The following LAMP3 variants were observed in gnomAD, a reference collection of about 807,000 sequenced individuals.
The protein encoded by LAMP3 is lysosome associated membrane protein 3.
Under a neutral mutation model 34.8 loss-of-function variants are expected in LAMP3, and 26 were observed. The observed-to-expected ratio is 0.75, with a 90% CI of 0.55 to 1.04. LAMP3 has a LOEUF of 1.04. Among genes scored for constraint, LAMP3 ranks in the 50% least tolerant of loss-of-function variants. LAMP3 has a pLI of 0.00. For synonymous variants in LAMP3, 180 were observed against 201.9 expected (o/e 0.89, Z 0.92); for missense variants, 495 against 524.0 (o/e 0.94, Z 0.54).
chr3:183,162,546 G>A, intron 1 of LAMP3, 61 bp downstream of exon 1: 4 of 1,505,152 alleles, frequency 2.7e-6, no homozygotes, highest in Admixed American at 2.0e-5. Flanking sequence ...TCCAGAGTGC[G>A]TTTAGATGAA....
intron 1 of LAMP3, among the ~76,000 whole-genome samples, chr3:183,157,858 C>G (rs1487705719): frequency 6.6e-6 from 1 of 152,104 alleles, no homozygotes; most frequent in East Asian, 1.9e-4. Flanking sequence ...TGAACGGCAT[C>G]CTAAACAAGC....
At position 183,135,749 on chromosome 3, in the gene LAMP3, G is replaced by T. The variant is rs1203902094; in HGVS notation, c.1085C>A (p.Ala362Asp). 3.7e-6 allele frequency: 6 copies of T among 1,614,158 alleles called. No individual in the cohort carries two copies. Among genetic ancestry groups the T allele is most frequent in the Non-Finnish European group, 5.1e-6 (6 of 1,180,014 alleles). Residue 362 changes from alanine (A) to aspartate (D), a missense_variant, in exon 5 of 6, where the codon GCC (alanine) becomes GAC (aspartate). Ala to Asp is a moderately radical substitution (Grantham distance 126). Transcript: ENST00000265598. ...AAAGTGGTCATCTTCAAAATCAAAG[G>T]CTTGAAGTTGGACATCGGTTGTTTT... Reference protein sequence around the residue: ...QVKTTDVQLQAFDFEDDHFGN... With the variant: ...QVKTTDVQLQDFDFEDDHFGN...
chr3:183,143,780 T>C (rs975257271), intron 3 of LAMP3, among the ~76,000 whole-genome samples: 1 of 152,244 alleles, frequency 6.6e-6, no homozygotes, highest in Non-Finnish European at 1.5e-5. Context: ...CTTTATTCTG[T>C]AGAATTGTAG....
At chr3:183,135,617 G>A (rs1720058972) in intron 5 of LAMP3, 100 bp downstream of exon 5, 1 of 1,126,852 alleles carries the variant, frequency 8.9e-7, no homozygotes, top group Non-Finnish European at 1.3e-6. Flanking sequence ...GGAAGCTCAT[G>A]AGATGCTTGC....
chr3:183,148,515 TA>T (rs1023424811), intron 3 of LAMP3, among the ~76,000 whole-genome samples: 1 of 152,048 alleles, frequency 6.6e-6, no homozygotes, highest in Non-Finnish European at 1.5e-5. Flanking sequence ...ATAATTTGAT[TA>T]AAAAAATTAA....
At chr3:183,134,265 A>G (rs191619022) in intron 5 of LAMP3, among the ~76,000 whole-genome samples, 4 of 152,298 alleles carry the variant, frequency 2.6e-5, no homozygotes, top group Non-Finnish European at 5.9e-5. Flanking sequence ...AGAGGAGTTA[A>G]GGAGAACTCT....
At chr3:183,137,051 T>G (rs1017726698) in intron 4 of LAMP3, among the ~76,000 whole-genome samples, 4 of 151,416 alleles carry the variant, frequency 2.6e-5, no homozygotes, top group Admixed American at 2.6e-4. Context: ...TGGTTGGTGG[T>G]TCATGCCTGT....
intron 5 of LAMP3, among the ~76,000 whole-genome samples, chr3:183,129,872 G>C (rs987946388): frequency 6.6e-6 from 1 of 152,156 alleles, no homozygotes; most frequent in Non-Finnish European, 1.5e-5. Context: ...CAAGAAGTCA[G>C]TAAGTTAAAA....
intron 5 of LAMP3, 83 bp from the exon 6 acceptor site, chr3:183,124,297 G>A (rs1719733519): frequency 8.0e-7 from 1 of 1,245,154 alleles, no homozygotes; most frequent in African/African-American, 1.6e-5. Context: ...AAGAAGATGA[G>A]CTTTGGCATC....
At chr3:183,157,229 G>A (rs1288906460) in intron 1 of LAMP3, among the ~76,000 whole-genome samples, 1 of 152,108 alleles carries the variant, frequency 6.6e-6, no homozygotes, top group Admixed American at 6.5e-5. Flanking sequence ...CATTCTTTAA[G>A]GGTCTTTTTT....
At chr3:183,132,555 T>C (rs1448056378) in intron 5 of LAMP3, 34 of 985,274 alleles carry the variant, frequency 3.5e-5, no homozygotes, top group Non-Finnish European at 4.1e-5. Context: ...TTGCCCCTAA[T>C]TCCGGAAGCC....
At chr3:183,163,590 G>C (rs1721049403), upstream of LAMP3, 1 of 152,340 alleles carries the variant, frequency 6.6e-6, no homozygotes, top group Admixed American at 6.5e-5. Context: ...GCCCGGCCCA[G>C]GGTCTCCTCT....
intron 5 of LAMP3, among the ~76,000 whole-genome samples, chr3:183,124,807 G>C (rs1239965309): frequency 6.6e-6 from 1 of 152,156 alleles, no homozygotes; most frequent in African/African-American, 2.4e-5. Flanking sequence ...ACTCCAGCCT[G>C]GGCAACAAGA....
At chr3:183,142,433 G>A (rs1720312661) in intron 3 of LAMP3, among the ~76,000 whole-genome samples, 1 of 152,046 alleles carries the variant, frequency 6.6e-6, no homozygotes, top group Middle Eastern at 3.2e-3. Flanking sequence ...CCTCCTAAAG[G>A]AAGAATGCTT....
At chr3:183,140,655 G>T in intron 3 of LAMP3, 60 bp from the exon 4 acceptor site, 5 of 1,138,382 alleles carry the variant, frequency 4.4e-6, no homozygotes, top group Non-Finnish European at 6.6e-6. Flanking sequence ...TACAATCTTG[G>T]TTTATAAACT....
intron 4 of LAMP3, among the ~76,000 whole-genome samples, chr3:183,136,217 G>A (rs1041464785): frequency 1.3e-5 from 2 of 152,144 alleles, no homozygotes; most frequent in African/African-American, 4.8e-5. Context: ...GCTACAGAGA[G>A]GCGCCTCCAA....
chr3:183,131,133 T>C (rs1719906863), intron 5 of LAMP3, among the ~76,000 whole-genome samples: 1 of 152,188 alleles, frequency 6.6e-6, no homozygotes, highest in Non-Finnish European at 1.5e-5. Flanking sequence ...GGGGAATAGA[T>C]AGCAGGAGTC....
In LAMP3 at chr3:183,131,889, AT is replaced by A. The variant is rs561617934; in HGVS notation, c.1117+3827del. 4.1e-4 allele frequency: 403 copies of A among 977,138 alleles called. 4 individuals carry two copies. The South Asian group carries it at 0.017, about 41-fold the overall frequency. 60.5% of individuals were successfully genotyped at this position (977,138 alleles called of 1,614,324 possible). On this transcript the variant is annotated intron_variant, in intron 5 of 5. Transcript: ENST00000265598. The stretch of plus-strand genomic sequence containing the variant: ...ACATCCTAAGCCATATTTTAATAGA[AT>A]TTTTCCCTCAGATATCAACCGTCCC...
chr3:183,133,315 T>C (rs1278494428), intron 5 of LAMP3, among the ~76,000 whole-genome samples: 1 of 152,192 alleles, frequency 6.6e-6, no homozygotes, highest in Non-Finnish European at 1.5e-5. Context: ...GAGTTATGTC[T>C]TGACTCTCAA....
Sources: allele counts gnomAD v4.1 joint callset (sites outside exome capture counted in the v4.1 genomes callset), GRCh38; gene constraint gnomAD v4.1.1; transcripts MANE v1.5; gene names NCBI Gene and HGNC (gene_info 2026-07-23, HGNC 2026-07-21).